ROCK2: variants seen among roughly 807,000 people sequenced by gnomAD.
ROCK2 encodes the protein rho-associated protein kinase 2.
In ROCK2, 61 loss-of-function variants were observed where a neutral mutation model predicts 195.1. The ratio of observed to expected loss-of-function variants is 0.31; its 90% CI spans 0.25 to 0.39. The LOEUF (loss-of-function observed/expected upper bound fraction) is 0.39, where lower values mean the gene tolerates loss of function less well. ROCK2 is among the 10% of genes least tolerant of loss of function. ROCK2 has a pLI of 1.00. For missense variants in ROCK2, 1,109 were observed against 1,637.4 expected (o/e 0.68, Z 5.57); for synonymous variants, 504 against 545.5 (o/e 0.92, Z 1.06).
intron 3 of ROCK2, among the ~76,000 whole-genome samples, chr2:11,284,680 T>G (rs1667125407): frequency 6.6e-6 from 1 of 152,204 alleles, no homozygotes. Context: ...AGCCCCAAAT[T>G]TCTTTACTAC....
intron 4 of ROCK2, among the ~76,000 whole-genome samples, chr2:11,241,095 A>G (rs1382174175): frequency 6.6e-6 from 1 of 152,194 alleles, no homozygotes; most frequent in Non-Finnish European, 1.5e-5. Context: ...GAACAGATAA[A>G]TTGTCACATC....
intron 1 of ROCK2, among the ~76,000 whole-genome samples, chr2:11,338,597 C>T (rs1669006344): frequency 6.6e-6 from 1 of 152,026 alleles, no homozygotes; most frequent in Non-Finnish European, 1.5e-5. Context: ...GATTTTGGTA[C>T]GTAGGCAGAC....
chr2:11,271,744 G>A (rs1666636128), intron 3 of ROCK2, among the ~76,000 whole-genome samples: 2 of 152,126 alleles, frequency 1.3e-5, no homozygotes, highest in Non-Finnish European at 2.9e-5. Flanking sequence ...TGAAAGGTTC[G>A]GGGCTGGGCG....
chr2:11,326,226 A>G (rs1668545324), intron 1 of ROCK2, among the ~76,000 whole-genome samples: 1 of 74,576 alleles, frequency 1.3e-5, no homozygotes, highest in Non-Finnish European at 3.5e-5. Flanking sequence ...TGGCAAATGC[A>G]TTTAAAAAAA....
intron 1 of ROCK2, among the ~76,000 whole-genome samples, chr2:11,325,906 AAG>A (rs1203577155): frequency 5.3e-5 from 8 of 152,228 alleles, no homozygotes; most frequent in African/African-American, 1.9e-4. Flanking sequence ...TAACGCTGAT[AAG>A]ATCTGGGAAC....
intron 3 of ROCK2, among the ~76,000 whole-genome samples, chr2:11,277,253 G>GA (rs1201500349): frequency 1.3e-5 from 2 of 152,180 alleles, no homozygotes; most frequent in African/African-American, 4.8e-5. Flanking sequence ...GTAACAGACA[G>GA]AATAGGTTCA....
At chr2:11,279,374 T>A (rs141178525) in intron 3 of ROCK2, among the ~76,000 whole-genome samples, 9 of 152,258 alleles carry the variant, frequency 5.9e-5, no homozygotes, top group African/African-American at 2.2e-4. Flanking sequence ...AAAGCAGAAG[T>A]AGCTATATTA....
intron 1 of ROCK2, among the ~76,000 whole-genome samples, chr2:11,335,677 T>C (rs943304352): frequency 1.3e-5 from 2 of 152,288 alleles, no homozygotes; most frequent in Admixed American, 6.5e-5. Flanking sequence ...AATAAAGAGA[T>C]GTAAACAGAA....
chr2:11,321,083 C>T (rs759755722), intron 1 of ROCK2, among the ~76,000 whole-genome samples: 12 of 152,174 alleles, frequency 7.9e-5, no homozygotes, highest in Non-Finnish European at 1.5e-4. Flanking sequence ...AGGTACTGTA[C>T]TCAAAAGGCT....
intron 1 of ROCK2, among the ~76,000 whole-genome samples, chr2:11,289,311 G>T (rs2148197534): frequency 6.6e-6 from 1 of 152,130 alleles, no homozygotes; most frequent in Non-Finnish European, 1.5e-5. Context: ...ACTTTTCAAG[G>T]ATTCTAACAT....
intron 1 of ROCK2, among the ~76,000 whole-genome samples, chr2:11,297,722 C>T (rs574449661): frequency 6.6e-6 from 1 of 152,184 alleles, no homozygotes; most frequent in Admixed American, 6.5e-5. Flanking sequence ...AGTCTATATG[C>T]TAAGTATTTT....
intron 1 of ROCK2, among the ~76,000 whole-genome samples, chr2:11,297,913 C>T (rs866934704): frequency 2.0e-5 from 3 of 151,946 alleles, no homozygotes; most frequent in African/African-American, 7.3e-5. Context: ...AATGTAATTT[C>T]CCTAAAACTG....
intron 27 of ROCK2, among the ~76,000 whole-genome samples, chr2:11,196,565 G>A (rs1663644962): frequency 6.6e-6 from 1 of 152,098 alleles, no homozygotes; most frequent in Admixed American, 6.6e-5. Context: ...TTTTAACTGA[G>A]TCTACAACAA....
chr2:11,218,377 G>A, intron 11 of ROCK2, 78 bp downstream of exon 11: 1 of 1,098,158 alleles, frequency 9.1e-7, no homozygotes, highest in Non-Finnish European at 1.3e-6. Flanking sequence ...ATGCTAGGTA[G>A]GATATGACTA....
At chr2:11,206,608 A>C (rs958887652) in intron 20 of ROCK2, among the ~76,000 whole-genome samples, 1 of 152,222 alleles carries the variant, frequency 6.6e-6, no homozygotes, top group African/African-American at 2.4e-5. Context: ...AACAAAGTCT[A>C]CTTGAATATT....
chr2:11,328,589 T>A (rs1293974604), intron 1 of ROCK2, among the ~76,000 whole-genome samples: 5 of 152,200 alleles, frequency 3.3e-5, no homozygotes, highest in African/African-American at 1.2e-4. Context: ...CCAAATCCAA[T>A]GTTCTTTCCA....
At chr2:11,342,107 T>C (rs940630399) in intron 1 of ROCK2, among the ~76,000 whole-genome samples, 3 of 152,210 alleles carry the variant, frequency 2.0e-5, no homozygotes, top group Non-Finnish European at 4.4e-5. Flanking sequence ...TATCAATTTG[T>C]AACAGAAACA....
chr2:11,256,645 T>C (rs1484238671), intron 3 of ROCK2, among the ~76,000 whole-genome samples: 1 of 150,842 alleles, frequency 6.6e-6, no homozygotes, highest in Non-Finnish European at 1.5e-5. Flanking sequence ...AACAAATGAA[T>C]GGAGAAAGAT....
At chr2:11,233,992 T>C (rs1328484431) in intron 5 of ROCK2, 2 of 152,114 alleles carry the variant, frequency 1.3e-5, no homozygotes, top group African/African-American at 2.4e-5. Flanking sequence ...TAAACCGTGC[T>C]CACTTAGGCA....
Sources: gnomAD v4.1 joint callset for allele counts (sites outside exome capture counted in the v4.1 genomes callset) on GRCh38, gnomAD v4.1.1 for gene constraint, MANE v1.5 for transcripts, NCBI Gene and HGNC (gene_info 2026-07-23, HGNC 2026-07-21) for gene names.